The following FUT9 variants were observed in gnomAD, a reference collection of about 807,000 sequenced individuals.
FUT9 encodes the protein fucosyltransferase 9, also known as 4-galactosyl-N-acetylglucosaminide 3-alpha-L-fucosyltransferase 9.
In FUT9, 15 loss-of-function variants were observed where a neutral mutation model predicts 29.7. That is an observed-to-expected ratio of 0.51 (90% confidence interval 0.34 to 0.78). The LOEUF is 0.78. Ranked by LOEUF, FUT9 falls within the 30% of genes least tolerant of loss-of-function variation. The probability of loss-of-function intolerance (pLI) is 0.01; values close to 1 mark genes in which losing one functional copy is unlikely to be tolerated. For synonymous variants in FUT9, 169 were observed against 153.7 expected (o/e 1.10, Z -0.74); for missense variants, 319 against 425.4 (o/e 0.75, Z 2.20).
chr6:96,074,205 G>A (rs986563406), intron 1 of FUT9, among the ~76,000 whole-genome samples: 1 of 152,094 alleles, frequency 6.6e-6, no homozygotes, highest in Non-Finnish European at 1.5e-5. Flanking sequence ...AATGCAGCCT[G>A]CCTGGCAGCT....
intron 2 of FUT9, among the ~76,000 whole-genome samples, chr6:96,131,886 A>T (rs1369455439): frequency 2.6e-5 from 4 of 152,108 alleles, no homozygotes; most frequent in African/African-American, 9.7e-5. Flanking sequence ...AAATTTACTA[A>T]ATTGCCTAAA....
chr6:96,156,873 T>G (rs1772795403), intron 2 of FUT9, among the ~76,000 whole-genome samples: 1 of 152,332 alleles, frequency 6.6e-6, no homozygotes. Context: ...TGTGCTGAGG[T>G]TTGGAACTCA....
intron 1 of FUT9, among the ~76,000 whole-genome samples, chr6:96,076,828 A>G (rs1272469687): frequency 6.6e-6 from 1 of 152,116 alleles, no homozygotes; most frequent in African/African-American, 2.4e-5. Flanking sequence ...CTCGGCTGCA[A>G]ATGTTGTTGG....
intron 2 of FUT9, among the ~76,000 whole-genome samples, chr6:96,126,148 T>A (rs1430247148): frequency 6.6e-6 from 1 of 152,170 alleles, no homozygotes; most frequent in Non-Finnish European, 1.5e-5. Flanking sequence ...CTGTTTTACA[T>A]TGCTGTAAAG....
intron 1 of FUT9, among the ~76,000 whole-genome samples, chr6:96,049,658 G>T (rs1478418518): frequency 6.6e-6 from 1 of 152,148 alleles, no homozygotes; most frequent in Non-Finnish European, 1.5e-5. Flanking sequence ...AATTTACAGC[G>T]TCTGGAGTGA....
At chr6:96,128,762 T>C (rs1772178316) in intron 2 of FUT9, among the ~76,000 whole-genome samples, 3 of 152,074 alleles carry the variant, frequency 2.0e-5, no homozygotes, top group African/African-American at 7.2e-5. Context: ...TATAATAATA[T>C]ATTCTTACCA....
chr6:96,062,574 A>G lies in FUT9; in HGVS notation c.-98+46362A>G, dbSNP rs532198787. On this transcript the variant is annotated intron_variant, in intron 1 of 2. Coordinates refer to ENST00000302103, the MANE Select transcript of FUT9 (RefSeq NM_006581.4). ...CATGTGTATCTATTGACATTTTTAG[A>G]TAAATATGATAGATAGATAAATAGA... 1.1e-4 allele frequency among the ~76,000 whole-genome samples: 17 copies of G among 152,200 alleles called. No homozygotes were observed. In the South Asian group the frequency reaches 3.5e-3, roughly 32 times the overall value.
intron 1 of FUT9, among the ~76,000 whole-genome samples, chr6:96,070,680 C>A (rs1771044243): frequency 6.6e-6 from 1 of 151,556 alleles, no homozygotes; most frequent in Admixed American, 6.6e-5. Flanking sequence ...GAGGAAAACC[C>A]CATCTCAAAA....
In FUT9 at chr6:96,211,965, T is replaced by C. The variant is rs1773945489; in HGVS notation, c.*7730T>C. On this transcript the variant is annotated 3_prime_UTR_variant, in exon 3 of 3. Coordinates refer to ENST00000302103, the MANE Select transcript of FUT9 (RefSeq NM_006581.4). ...AAGTTATAGCTTGCTGGAATTTTATTGTGGAAAACAAATATAGATTTTATC... is the reference window on the plus strand; with the variant it reads ...AAGTTATAGCTTGCTGGAATTTTATCGTGGAAAACAAATATAGATTTTATC... 1 of 409,664 alleles carries C rather than the reference T, an allele frequency of 2.4e-6. No individual in the cohort carries two copies. 25.4% of individuals were successfully genotyped at this position (409,664 alleles called of 1,614,324 possible).
intron 2 of FUT9, among the ~76,000 whole-genome samples, chr6:96,162,872 T>A (rs9404334): frequency 6.6e-6 from 1 of 152,102 alleles, no homozygotes; most frequent in Non-Finnish European, 1.5e-5. Context: ...TTTAATCTTA[T>A]GATTAGGTCA....
At chr6:96,119,869 ATACTT>A (rs1771988349) in intron 2 of FUT9, among the ~76,000 whole-genome samples, 2 of 152,162 alleles carry the variant, frequency 1.3e-5, no homozygotes, top group Non-Finnish European at 2.9e-5. Context: ...TAATTTGAAA[ATACTT>A]TACTAGGCTA....
At chr6:96,196,724 A>C (rs1479800308) in intron 2 of FUT9, among the ~76,000 whole-genome samples, 1 of 152,074 alleles carries the variant, frequency 6.6e-6, no homozygotes, top group Non-Finnish European at 1.5e-5. Context: ...AAAATAAAAT[A>C]AAATAAAATA....
chr6:96,130,880 G>GCTATT (rs1255082948), intron 2 of FUT9, among the ~76,000 whole-genome samples: 13 of 152,100 alleles, frequency 8.5e-5, no homozygotes, highest in Admixed American at 2.6e-4. Context: ...CTACTCTGCA[G>GCTATT]CTATTTCTGA....
chr6:96,108,006 T>G (rs2127959449), intron 1 of FUT9, among the ~76,000 whole-genome samples: 1 of 150,420 alleles, frequency 6.6e-6, no homozygotes, highest in African/African-American at 2.5e-5. Flanking sequence ...TTTTGTCAGA[T>G]ATTGCAAAGC....
chr6:96,088,796 C>A (rs1242442943), intron 1 of FUT9, among the ~76,000 whole-genome samples: 8 of 132,662 alleles, frequency 6.0e-5, no homozygotes. Flanking sequence ...TGCTTAACTG[C>A]TTATTTTTCC....
chr6:96,157,595 A>G lies in FUT9; in HGVS notation c.-9+43468A>G, dbSNP rs1174086354. Among the ~76,000 whole-genome samples, 4 of 152,250 alleles carry G rather than the reference A, an allele frequency of 2.6e-5. No homozygotes were observed. In the East Asian group the frequency reaches 7.7e-4, roughly 29 times the overall value. On this transcript the variant is annotated intron_variant, in intron 2 of 2. Coordinates refer to ENST00000302103, the MANE Select transcript of FUT9 (RefSeq NM_006581.4). ...AACCATGGTTTTAATGGTTCTCTGAATCAAGCAAAAGCAATGTAGGAAAAT... is the reference window on the plus strand; with the variant it reads ...AACCATGGTTTTAATGGTTCTCTGAGTCAAGCAAAAGCAATGTAGGAAAAT...
intron 1 of FUT9, among the ~76,000 whole-genome samples, chr6:96,109,806 C>G (rs920527540): frequency 1.2e-4 from 18 of 152,082 alleles, no homozygotes. Context: ...AAAACCTTCT[C>G]GTATCCATTG....
chr6:96,164,952 T>C (rs753018325), intron 2 of FUT9, among the ~76,000 whole-genome samples: 1 of 152,208 alleles, frequency 6.6e-6, no homozygotes, highest in Non-Finnish European at 1.5e-5. Flanking sequence ...TATGAACATT[T>C]CCATCATTAC....
At chr6:96,035,013 A>G (rs1770326115) in intron 1 of FUT9, among the ~76,000 whole-genome samples, 2 of 151,790 alleles carry the variant, frequency 1.3e-5, no homozygotes, top group African/African-American at 2.4e-5. Flanking sequence ...ATTAGCTACA[A>G]TTTTCTAAAA....
Sources: allele counts gnomAD v4.1 joint callset (sites outside exome capture counted in the v4.1 genomes callset), GRCh38; gene constraint gnomAD v4.1.1; transcripts MANE v1.5; gene names NCBI Gene and HGNC (gene_info 2026-07-23, HGNC 2026-07-21).